EPN1: variants seen among roughly 807,000 people sequenced by gnomAD.
The protein encoded by EPN1 is epsin-1.
A neutral mutation model predicts 56.9 loss-of-function variants in EPN1; 25 were observed. That is an observed-to-expected ratio of 0.44 (90% CI 0.32 to 0.61). EPN1 has a LOEUF of 0.61. Ranked by LOEUF, EPN1 falls within the 20% of genes least tolerant of loss-of-function variation. The pLI is 0.05. For synonymous variants in EPN1, 411 were observed against 361.8 expected (o/e 1.14, Z -1.54); for missense variants, 785 against 823.7 (o/e 0.95, Z 0.58).
intron 3 of EPN1, 65 bp downstream of exon 3, chr19:55,685,710 A>C: frequency 1.3e-6 from 2 of 1,525,260 alleles, no homozygotes; most frequent in Non-Finnish European, 1.8e-6. Context: ...GGCTCCCGGC[A>C]CCCGGCCGCC....
rs756763842 is a variant in EPN1, at chr19:55,694,863, C to T, written c.1402C>T (p.Arg468Trp). The part of the protein sequence containing the change: ...AATPTPTPPT[R>W]KTPESFLGPN... ...CACACCAACTCCCACGCCCCCCACC[C>T]GGAAGACGCCGGAGTCATTCCTGGG... Residue 468 changes from arginine (R) to tryptophan (W), a missense_variant, in exon 10 of 11, where the codon CGG becomes TGG. Around this residue, in one of 2 missense-constraint regions of EPN1, gnomAD observed 650 missense variants for 605.0 expected, o/e 1.07. Transcript: ENST00000270460. This position sits in a 1 kb window ranked among gnomAD's most constrained non-coding sequence, Gnocchi z 4.2. The T allele has an allele frequency of 2.0e-5, 32 of 1,605,566 alleles. No individual in the cohort carries two copies. The highest frequency in any genetic ancestry group is 3.4e-5 in the Admixed American group (2 of 59,054).
intron 2 of EPN1, among the ~76,000 whole-genome samples, chr19:55,685,000 T>A (rs1410689070): frequency 2.6e-5 from 4 of 152,198 alleles, no homozygotes; most frequent in Non-Finnish European, 5.9e-5. Flanking sequence ...CTCCAGAACG[T>A]CTTCATTGCC....
rs1986803303 is a variant in EPN1 at position 55,694,705 on chromosome 19, C to CCCTCTCCCGGAT, written c.1265-17_1265-6dup. The CCCTCTCCCGGAT allele has an allele frequency of 5.2e-6, 8 of 1,539,854 alleles. No homozygotes were observed. Among genetic ancestry groups the CCCTCTCCCGGAT allele is most frequent in the Non-Finnish European group, 7.0e-6 (8 of 1,142,896 alleles). Reference sequence around the variant, plus strand: ...TCACTGCTGTCTGCCCTGTCTGAGCCCCTCTCCCGGATCCTTCCAGGAGAG... The same window carrying CCCTCTCCCGGAT: ...TCACTGCTGTCTGCCCTGTCTGAGCCCCTCTCCCGGATCCTCTCCCGGATCCTTCCAGGAGAG... On this transcript the variant is annotated intron_variant, in intron 9 of 10. Coordinates refer to ENST00000270460, the MANE Select transcript of EPN1 (RefSeq NM_001130072.2). The surrounding 1 kb of genome is among the most constrained non-coding windows in gnomAD (Gnocchi z 4.2).
intron 1 of EPN1, among the ~76,000 whole-genome samples, chr19:55,675,729 C>T (rs1053529825): frequency 6.6e-6 from 1 of 152,128 alleles, no homozygotes; most frequent in East Asian, 1.9e-4. Context: ...TCCCGGGTCT[C>T]TCTCTCCTCT....
chr19:55,698,032 A>G lies in EPN1; in HGVS notation c.*2676A>G, dbSNP rs1266009773. On this transcript the variant is annotated 3_prime_UTR_variant, in exon 11 of 11. Transcript: ENST00000270460. ...TCAGGGGTCCGGGGGTTTTCGGCTAAACCCACCTAGCAGGATTCTTGCTGA... is the reference window on the plus strand; with the variant it reads ...TCAGGGGTCCGGGGGTTTTCGGCTAGACCCACCTAGCAGGATTCTTGCTGA... The G allele has an allele frequency of 1.3e-5, 2 of 151,604 alleles. No individual in the cohort carries two copies. Among genetic ancestry groups the G allele is most frequent in the Non-Finnish European group, 2.9e-5 (2 of 67,998 alleles). 9.4% of individuals were successfully genotyped at this position (151,604 alleles called of 1,614,324 possible). A position where few individuals can be genotyped will look rare whatever the true frequency, so the allele number is the denominator to read the frequency against.
rs886377402 is a variant in EPN1, at chr19:55,701,332, C to G, written c.*5976C>G. 1 of 151,862 alleles carries G rather than the reference C, an allele frequency of 6.6e-6. No homozygotes were observed. The highest frequency in any genetic ancestry group is 2.4e-5 in the African/African-American group (1 of 41,298). 9.4% of individuals were successfully genotyped at this position (151,862 alleles called of 1,614,324 possible). ...AGTGTGGTGGCGGGCACCTGTAATC[C>G]CAGCTACTTAGGAGGCTGAGGCAGG... On this transcript the variant is annotated 3_prime_UTR_variant, in exon 11 of 11. Coordinates refer to ENST00000270460, the MANE Select transcript of EPN1 (RefSeq NM_001130072.2).
At chr19:55,690,493 G>A (rs187568262) in intron 6 of EPN1, among the ~76,000 whole-genome samples, 3 of 152,348 alleles carry the variant, frequency 2.0e-5, no homozygotes, top group Middle Eastern at 3.4e-3. Flanking sequence ...TCCCTGTGAC[G>A]GGCCCGCTGG....
In EPN1 at chr19:55,678,523, G is replaced by C. The variant is rs184026465; in HGVS notation, c.-101-4G>C. 2.6e-6 allele frequency: 4 copies of C among 1,538,802 alleles called. No homozygotes were observed. In the South Asian group the frequency reaches 4.8e-5, roughly 18 times the overall value. On this transcript the variant is annotated splice_polypyrimidine_tract_variant and splice_region_variant and intron_variant, in intron 1 of 10. Transcript: ENST00000270460. ...TGTTTCCAGAGGTCCTCTTCCCCTC[G>C]CAGATGCGGTGACCTGCCAGCACCT...
At chr19:55,677,682 T>C (rs1309095262) in intron 1 of EPN1, 2 of 1,551,340 alleles carry the variant, frequency 1.3e-6, no homozygotes, top group Non-Finnish European at 1.7e-6. Context: ...GGGCTTCCGC[T>C]ATCCTTGGGA....
At position 55,701,807 on chromosome 19, in the gene EPN1, C is replaced by T. The variant is rs1350135463; in HGVS notation, c.*6451C>T. On this transcript the variant is annotated 3_prime_UTR_variant, in exon 11 of 11. Transcript: ENST00000270460. Reference sequence around the variant, plus strand: ...ACAGCTCTGTCACAGAGACGGGTCCCGAACGGGTTGTGAAGTTGTAGAAGA... The same window carrying T: ...ACAGCTCTGTCACAGAGACGGGTCCTGAACGGGTTGTGAAGTTGTAGAAGA... The T allele has an allele frequency of 2.0e-5, 3 of 152,150 alleles. No homozygotes were observed. The highest frequency in any genetic ancestry group is 1.9e-4 in the East Asian group (1 of 5,182). The allele number at this position is 152,150 out of a possible 1,614,324, so 9.4% of individuals were successfully genotyped here. A position where few individuals can be genotyped will look rare whatever the true frequency, so the allele number is the denominator to read the frequency against.
intron 2 of EPN1, among the ~76,000 whole-genome samples, chr19:55,679,336 G>T (rs527287430): frequency 9.5e-4 from 144 of 152,360 alleles, no homozygotes; most frequent in African/African-American, 3.3e-3. Flanking sequence ...CCCCACCTTT[G>T]GTCTTTGGTT....
Position 55,691,628 on chromosome 19 carries a change from C to G in EPN1, c.763-126C>G. The G allele has an allele frequency of 1.3e-6, 1 of 793,904 alleles. No individual in the cohort carries two copies. Among genetic ancestry groups the G allele is most frequent in the Non-Finnish European group, 2.1e-6 (1 of 484,098 alleles). The allele number at this position is 793,904 out of a possible 1,614,324, so 49.2% of individuals were successfully genotyped here. On this transcript the variant is annotated intron_variant, in intron 6 of 10. Transcript: ENST00000270460. The surrounding 1 kb of genome is among the most constrained non-coding windows in gnomAD (Gnocchi z 5.6). ...TTTGGGGCCTGCCTCCCTCTCACCC[C>G]TTATGGATGGCTGCTGTCTGGACAC...
intron 2 of EPN1, among the ~76,000 whole-genome samples, chr19:55,683,822 C>T (rs540096769): frequency 2.0e-5 from 3 of 152,350 alleles, no homozygotes; most frequent in South Asian, 2.1e-4. Context: ...TTTCATGATC[C>T]GTTCGGCACA....
In EPN1 at chr19:55,678,512, C is replaced by G; in HGVS notation, c.-101-15C>G. On this transcript the variant is annotated splice_polypyrimidine_tract_variant and intron_variant, in intron 1 of 10. Transcript: ENST00000270460. ...TGTCCCATTTGTGTTTCCAGAGGTC[C>G]TCTTCCCCTCGCAGATGCGGTGACC... 6.5e-7 allele frequency: 1 copy of G among 1,533,750 alleles called. No homozygotes were observed. The highest frequency in any genetic ancestry group is 8.7e-7 in the Non-Finnish European group (1 of 1,143,012).
In EPN1 at chr19:55,708,895, C is replaced by T; in HGVS notation, c.*13539C>T. On this transcript the variant is annotated 3_prime_UTR_variant, in exon 11 of 11. Coordinates refer to ENST00000270460, the MANE Select transcript of EPN1 (RefSeq NM_001130072.2). ...AAGGAAAGCCTTTGTGAGACGACTACTTCAGGGTGTTCCCCATCAGAGGAG... is the reference window on the plus strand; with the variant it reads ...AAGGAAAGCCTTTGTGAGACGACTATTTCAGGGTGTTCCCCATCAGAGGAG... The T allele has an allele frequency of 6.6e-7, 1 of 1,524,040 alleles. No homozygotes were observed. The highest frequency in any genetic ancestry group is 8.7e-7 in the Non-Finnish European group (1 of 1,143,372). The allele number at this position is 1,524,040 out of a possible 1,614,324, so 94.4% of individuals were successfully genotyped here.
rs1987437348 is a variant in EPN1 at position 55,706,683 on chromosome 19, G to GGGAA, written c.*11327_*11328insGGAA. The GGGAA allele has an allele frequency of 1.8e-5, 2 of 113,030 alleles. No homozygotes were observed. Among genetic ancestry groups the GGGAA allele is most frequent in the African/African-American group, 8.1e-5 (2 of 24,754 alleles). 7.0% of individuals were successfully genotyped at this position (113,030 alleles called of 1,614,324 possible). ...AAAGAAAAGAGGGGAAGGGAAGGGAGAGATTTAAAAAACAATAGTAAAGAG... is the reference window on the plus strand; with the variant it reads ...AAAGAAAAGAGGGGAAGGGAAGGGAGGGAAAGATTTAAAAAACAATAGTAAAGAG... On this transcript the variant is annotated 3_prime_UTR_variant, in exon 11 of 11. Transcript: ENST00000270460.
chr19:55,689,252 C>T lies in EPN1; in HGVS notation c.604-45C>T. The stretch of plus-strand genomic sequence containing the variant: ...GACCCTGGCTCTGCCTCTGACTCTG[C>T]CTCTGGCCCCTCCCGTCATGCCCCT... On this transcript the variant is annotated intron_variant, in intron 4 of 10. Transcript: ENST00000270460. This position sits in a 1 kb window ranked among gnomAD's most constrained non-coding sequence, Gnocchi z 5.7. 1 of 1,394,112 alleles carries T rather than the reference C, an allele frequency of 7.2e-7. No homozygotes were observed. Among genetic ancestry groups the T allele is most frequent in the Non-Finnish European group, 1.0e-6 (1 of 1,004,330 alleles). 86.4% of individuals were successfully genotyped at this position (1,394,112 alleles called of 1,614,324 possible).
Position 55,678,718 on chromosome 19 carries a change from G to A in EPN1, c.91G>A (p.Asp31Asn), listed in dbSNP as rs761121951. The change falls in exon 2 of 11, where the codon GAC (aspartate) becomes AAC (asparagine). Residue 31 changes from aspartate to asparagine, a missense_variant. Physicochemically the swap from Asp to Asn is conservative, Grantham distance 23. Transcript: ENST00000270460. ...EIKVREATSNDPWGPSSSLMS... is the reference protein window; with the variant it reads ...EIKVREATSNNPWGPSSSLMS... ...CAAGGTTCGAGAGGCCACGAGCAAT[G>A]ACCCCTGGGGCCCATCCAGCTCCCT... 6.2e-7 allele frequency: 1 copy of A among 1,614,170 alleles called. No homozygotes were observed. Among genetic ancestry groups the A allele is most frequent in the Admixed American group, 1.7e-5 (1 of 60,022 alleles).
At chr19:55,690,081 A>G (rs1441854610) in intron 6 of EPN1, 131 bp downstream of exon 6, 2 of 935,888 alleles carry the variant, frequency 2.1e-6, no homozygotes, top group Non-Finnish European at 3.2e-6. Flanking sequence ...CCGGGTTTCC[A>G]GGCTTGGTCG....
Sources: allele counts gnomAD v4.1 joint callset (sites outside exome capture counted in the v4.1 genomes callset), GRCh38; gene constraint gnomAD v4.1.1; regional missense constraint gnomAD v4.1.1; non-coding constraint Gnocchi (gnomAD v3.1); transcripts MANE v1.5; gene names NCBI Gene and HGNC (gene_info 2026-07-23, HGNC 2026-07-21).